Variants in PEX12 observed in about 807,000 individuals in gnomAD.
PEX12 encodes peroxisomal biogenesis factor 12.
A neutral mutation model predicts 32.5 loss-of-function variants in PEX12; 31 were observed. The ratio of observed to expected loss-of-function variants is 0.95; its 90% CI spans 0.72 to 1.29. The LOEUF is 1.29. Ranked by LOEUF, PEX12 falls within the 50% of genes most tolerant of loss-of-function variation. The probability of loss-of-function intolerance (pLI) is 0.00; values close to 1 mark genes in which losing one functional copy is unlikely to be tolerated. For synonymous variants in PEX12, 148 were observed against 157.2 expected (o/e 0.94, Z 0.44); for missense variants, 359 against 419.0 (o/e 0.86, Z 1.25).
Position 35,577,420 on chromosome 17 carries a change from A to C in PEX12, c.298T>G (p.Ser100Ala). ...KRIVMGDTHKSQRLASAGLPK... is the reference protein window; with the variant it reads ...KRIVMGDTHKAQRLASAGLPK... The stretch of plus-strand genomic sequence containing the variant: ...AGACCAGCACTAGCCAATCTCTGAG[A>C]CTTGTGAGTGTCCCCCATTACAATT... Residue 100 changes from serine to alanine, a missense_variant, in exon 2 of 3, where the codon TCT (serine) becomes GCT (alanine). Coordinates refer to ENST00000225873, the MANE Select transcript of PEX12 (RefSeq NM_000286.3). The C allele has an allele frequency of 6.2e-7, 1 of 1,614,152 alleles. No individual in the cohort carries two copies. The highest frequency in any genetic ancestry group is 8.5e-7 in the Non-Finnish European group (1 of 1,180,028).
chr17:35,576,009 G>C lies in PEX12; in HGVS notation c.853C>G (p.Pro285Ala). 6 of 1,614,120 alleles carry C rather than the reference G, an allele frequency of 3.7e-6. No homozygotes were observed. The highest frequency in any genetic ancestry group is 5.1e-6 in the Non-Finnish European group (6 of 1,179,972). Residue 285 changes from proline to alanine, a missense_variant, in exon 3 of 3, where the codon CCT (proline) becomes GCT (alanine). By Grantham distance (27) the Pro-to-Ala change is conservative. Coordinates refer to ENST00000225873, the MANE Select transcript of PEX12 (RefSeq NM_000286.3). ...TCAGAGTTATAGTCTAGGTGTACAG[G>C]TGGTGGTGGAGTAGGCAGGGCAGTC... Reference protein sequence around the residue: ...SLTALPTPPPPVHLDYNSDSP... With the variant: ...SLTALPTPPPAVHLDYNSDSP...
At position 35,575,830 on chromosome 17, in the gene PEX12, A is replaced by G. The variant is rs1352783754; in HGVS notation, c.1032T>C (p.Tyr344=). The G allele has an allele frequency of 1.9e-6, 3 of 1,614,170 alleles. No homozygotes were observed. Among genetic ancestry groups the G allele is most frequent in the Non-Finnish European group, 2.5e-6 (3 of 1,179,996 alleles). ...TAATCAGATGTTGTACTTCTGTTGG[A>G]TAACCTGTGATGGGACAAGCTTGGT... is the stretch of plus-strand genomic sequence containing the variant. ...RSHQACPITG[Y]PTEVQHLIKL... is the part of the protein sequence containing the mutation. Residue 344 remains tyrosine (Y), a synonymous_variant, in exon 3 of 3, where the codon TAT becomes TAC. Coordinates refer to ENST00000225873, the MANE Select transcript of PEX12 (RefSeq NM_000286.3).
At position 35,575,613 on chromosome 17, in the gene PEX12, AAGGTT is replaced by A; in HGVS notation, c.*164_*168del. On this transcript the variant is annotated 3_prime_UTR_variant, in exon 3 of 3. Transcript: ENST00000225873. ...AGTAGGGTTCTAGAGAGCAGGCTAA[AAGGTT>A]AGGATCAAATGGGCATATCCTTTTA... 1.4e-6 allele frequency: 1 copy of A among 713,982 alleles called. No homozygotes were observed. The highest frequency in any genetic ancestry group is 1.6e-5 in the South Asian group (1 of 61,226). 44.2% of individuals were successfully genotyped at this position (713,982 alleles called of 1,614,324 possible).
rs1406226860 is a variant in PEX12, at chr17:35,577,559, G to A, written c.159C>T (p.Gly53=). Residue 53 remains glycine, a synonymous_variant, in exon 2 of 3, where the codon GGC becomes GGT. Transcript: ENST00000225873. The stretch of plus-strand genomic sequence containing the variant: ...TTTCATCAAACCACCTCCACAAGAA[G>A]CCATAGTGGGTGGGATTTGATTCTG... ...VLAESNPTHY[G]FLWRWFDEIF... 1 of 1,613,252 alleles carries A rather than the reference G, an allele frequency of 6.2e-7. No individual in the cohort carries two copies. The highest frequency in any genetic ancestry group is 1.7e-5 in the Admixed American group (1 of 60,022).
At position 35,575,077 on chromosome 17, in the gene PEX12, C is replaced by T. The variant is rs1472155650; in HGVS notation, c.*705G>A. On this transcript the variant is annotated 3_prime_UTR_variant, in exon 3 of 3. Transcript: ENST00000225873. ...CTTTTACACAGGAATCTTCAGACTA[C>T]TCTCTGTAACACTCAACCCCTATTC... is the stretch of plus-strand genomic sequence containing the variant. The T allele has an allele frequency of 6.6e-6, 1 of 152,506 alleles. No individual in the cohort carries two copies. The highest frequency in any genetic ancestry group is 6.5e-5 in the Admixed American group (1 of 15,276). The allele number at this position is 152,506 out of a possible 1,614,324, so 9.4% of individuals were successfully genotyped here.
In PEX12 at chr17:35,577,358, C is replaced by G. The variant is rs772417571; in HGVS notation, c.360G>C (p.Leu120=). The G allele has an allele frequency of 4.3e-6, 7 of 1,614,134 alleles. No homozygotes were observed. Among genetic ancestry groups the G allele is most frequent in the Non-Finnish European group, 5.9e-6 (7 of 1,180,026 alleles). ...KQQLWKSIMF[L]VLLPYLKVKL... is the part of the protein sequence containing the mutation. ...TCACTTTCAGATAGGGAAGAAGAAC[C>G]AGGAACATAATAGATTTCCAAAGCT... is the stretch of plus-strand genomic sequence containing the variant. Residue 120 remains leucine (L), a synonymous_variant, in exon 2 of 3, where the codon CTG becomes CTC. Transcript: ENST00000225873.
rs762912502 is a variant in PEX12 at position 35,575,865 on chromosome 17, C to A, written c.997G>T (p.Val333Leu). ...ATGGGACAAGCTTGGTGACTCCTCA[C>A]ATAATGAAACACACAGCGGTAACAA... ...VFCYRCVFHYVRSHQACPITG... is the reference protein window; with the variant it reads ...VFCYRCVFHYLRSHQACPITG... Residue 333 changes from valine to leucine, a missense_variant, in exon 3 of 3, where the codon GTG becomes TTG. Transcript: ENST00000225873. The A allele has an allele frequency of 1.6e-5, 26 of 1,614,218 alleles. No homozygotes were observed. The highest frequency in any genetic ancestry group is 1.6e-4 in the Middle Eastern group (1 of 6,062).
Position 35,575,866 on chromosome 17 carries a change from A to G in PEX12, c.996T>C (p.Tyr332=). ...TGGGACAAGCTTGGTGACTCCTCAC[A>G]TAATGAAACACACAGCGGTAACAAA... ...YVFCYRCVFH[Y]VRSHQACPIT... The change falls in exon 3 of 3, where the codon TAT becomes TAC. Residue 332 remains tyrosine, a synonymous_variant. Coordinates refer to ENST00000225873, the MANE Select transcript of PEX12 (RefSeq NM_000286.3). The G allele has an allele frequency of 3.1e-6, 5 of 1,614,242 alleles. No individual in the cohort carries two copies. The highest frequency in any genetic ancestry group is 4.2e-6 in the Non-Finnish European group (5 of 1,180,020).
intron 2 of PEX12, among the ~76,000 whole-genome samples, chr17:35,576,779 G>A (rs1245628314): frequency 1.3e-5 from 2 of 152,102 alleles, no homozygotes; most frequent in African/African-American, 4.8e-5. Flanking sequence ...TTACTTCATT[G>A]GGTTGTGTTG....
chr17:35,577,661 C>T (rs2072794973), intron 1 of PEX12, 70 bp from the exon 2 acceptor site: 2 of 1,479,652 alleles, frequency 1.4e-6, no homozygotes, highest in East Asian at 2.3e-5. Context: ...TACATTCCCC[C>T]TTTTCCTCTA....
rs2072790518 is a variant in PEX12 at position 35,577,194 on chromosome 17, A to C, written c.524T>G (p.Leu175Arg). 1 of 1,614,052 alleles carries C rather than the reference A, an allele frequency of 6.2e-7. No individual in the cohort carries two copies. Among genetic ancestry groups the C allele is most frequent in the Admixed American group, 1.7e-5 (1 of 60,000 alleles). ...TAGGATGTATCGAAGTTGTTGTACAAGAAACCATCCTTCCCAGGCCATGTT... is the reference window on the plus strand; with the variant it reads ...TAGGATGTATCGAAGTTGTTGTACACGAAACCATCCTTCCCAGGCCATGTT... ...FVNMAWEGWFLVQQLRYILGK... is the reference protein window; with the variant it reads ...FVNMAWEGWFRVQQLRYILGK... The change falls in exon 2 of 3, where the codon CTT becomes CGT. Residue 175 changes from leucine (L) to arginine (R), a missense_variant. Coordinates refer to ENST00000225873, the MANE Select transcript of PEX12 (RefSeq NM_000286.3).
At position 35,577,257 on chromosome 17, in the gene PEX12, C is replaced by T. The variant is rs564816937; in HGVS notation, c.461G>A (p.Arg154Gln). 3 of 1,614,146 alleles carry T rather than the reference C, an allele frequency of 1.9e-6. No individual in the cohort carries two copies. The highest frequency in any genetic ancestry group is 1.6e-4 in the Middle Eastern group (1 of 6,062). Reference sequence around the variant, plus strand: ...GGCTGCCAGGAAAGCTCTGTAAAATCGTTTCCAGCGGGAAGAAGGGGGATG... The same window carrying T: ...GGCTGCCAGGAAAGCTCTGTAAAATTGTTTCCAGCGGGAAGAAGGGGGATG... ...SIHPPSSRWK[R>Q]FYRAFLAAYP... Residue 154 changes from arginine to glutamine, a missense_variant, in exon 2 of 3, where the codon CGA (arginine) becomes CAA (glutamine). Physicochemically the swap from Arg to Gln is conservative, Grantham distance 43. Coordinates refer to ENST00000225873, the MANE Select transcript of PEX12 (RefSeq NM_000286.3).
At chr17:35,577,639 T>C (rs1170306357) in intron 1 of PEX12, 48 bp from the exon 2 acceptor site, 6 of 1,546,912 alleles carry the variant, frequency 3.9e-6, no homozygotes, top group Non-Finnish European at 5.3e-6. Context: ...TTACACAAGT[T>C]CTACACCTAT....
In PEX12 at chr17:35,576,246, C is replaced by T. The variant is rs533141936; in HGVS notation, c.681-65G>A. On this transcript the variant is annotated intron_variant, in intron 2 of 2. Coordinates refer to ENST00000225873, the MANE Select transcript of PEX12 (RefSeq NM_000286.3). ...TTATTTAGGTATCATTACAAAGTGACTAATATAAATGCAATTCTTACATTT... is the reference window on the plus strand; with the variant it reads ...TTATTTAGGTATCATTACAAAGTGATTAATATAAATGCAATTCTTACATTT... The T allele has an allele frequency of 3.6e-5, 54 of 1,485,004 alleles. 1 individual carries two copies. Among genetic ancestry groups the T allele is most frequent in the Middle Eastern group, 3.5e-4 (2 of 5,734 alleles). 92.0% of individuals were successfully genotyped at this position (1,485,004 alleles called of 1,614,324 possible). A position where few individuals can be genotyped will look rare whatever the true frequency, so the allele number is the denominator to read the frequency against.
At position 35,577,032 on chromosome 17, in the gene PEX12, C is replaced by T. The variant is rs1342386193; in HGVS notation, c.680+6G>A. The T allele has an allele frequency of 1.2e-6, 2 of 1,613,402 alleles. No individual in the cohort carries two copies. Among genetic ancestry groups the T allele is most frequent in the Admixed American group, 3.3e-5 (2 of 60,000 alleles). On this transcript the variant is annotated splice_donor_region_variant and intron_variant, in intron 2 of 2. Coordinates refer to ENST00000225873, the MANE Select transcript of PEX12 (RefSeq NM_000286.3). ...TAAAGATCTTTTGGAAATGTTAAGG[C>T]CTTACCTCCTGGCTGGTTGCTGCAT...
In PEX12 at chr17:35,577,301, T is replaced by G; in HGVS notation, c.417A>C (p.Glu139Asp). The change falls in exon 2 of 3, where the codon GAA (glutamate) becomes GAC (aspartate). Residue 139 changes from glutamate to aspartate, a missense_variant. By Grantham distance (45) the Glu-to-Asp change is conservative (BLOSUM62 2). Transcript: ENST00000225873. ...KLEKLVSSLR[E>D]EDEYSIHPPS... ...GGGGATGAATAGAATATTCATCCTCTTCTCTCAGGCTAGAAACCAGCTTCT... is the reference window on the plus strand; with the variant it reads ...GGGGATGAATAGAATATTCATCCTCGTCTCTCAGGCTAGAAACCAGCTTCT... The G allele has an allele frequency of 6.2e-7, 1 of 1,614,192 alleles. No homozygotes were observed. Among genetic ancestry groups the G allele is most frequent in the Non-Finnish European group, 8.5e-7 (1 of 1,180,024 alleles).
chr17:35,574,952 CAA>C lies in PEX12; in HGVS notation c.*828_*829del, dbSNP rs1197037786. 3 of 152,560 alleles carry C rather than the reference CAA, an allele frequency of 2.0e-5. No homozygotes were observed. Among genetic ancestry groups the C allele is most frequent in the Non-Finnish European group, 4.4e-5 (3 of 68,030 alleles). The allele number at this position is 152,560 out of a possible 1,614,324, so 9.5% of individuals were successfully genotyped here. A position where few individuals can be genotyped will look rare whatever the true frequency, so the allele number is the denominator to read the frequency against. On this transcript the variant is annotated 3_prime_UTR_variant, in exon 3 of 3. Coordinates refer to ENST00000225873, the MANE Select transcript of PEX12 (RefSeq NM_000286.3). Reference sequence around the variant, plus strand: ...ACCAGAATAATTCATGACACTTTAGCAAACTCTTAGCAGCAAGCAGAAAGAAC... The same window carrying C: ...ACCAGAATAATTCATGACACTTTAGCACTCTTAGCAGCAAGCAGAAAGAAC...
At chr17:35,576,964 G>T in intron 2 of PEX12, 74 bp downstream of exon 2, 1 of 1,307,382 alleles carries the variant, frequency 7.6e-7, no homozygotes, top group Non-Finnish European at 1.1e-6. Context: ...TAACAGGGAG[G>T]TGAATTTTAC....
At chr17:35,576,234 A>C (rs2072784685) in intron 2 of PEX12, 53 bp from the exon 3 acceptor site, 2 of 1,545,346 alleles carry the variant, frequency 1.3e-6, no homozygotes, top group Non-Finnish European at 1.8e-6. Context: ...TTTAGGTATC[A>C]TTACAAAGTG....
Sources: gnomAD v4.1 joint callset for allele counts (sites outside exome capture counted in the v4.1 genomes callset) on GRCh38, gnomAD v4.1.1 for gene constraint, MANE v1.5 for transcripts, NCBI Gene and HGNC (gene_info 2026-07-23, HGNC 2026-07-21) for gene names.